Variants in SLC39A14 observed in about 807,000 individuals in gnomAD.
SLC39A14 encodes metal cation symporter ZIP14.
In SLC39A14, 19 loss-of-function variants were observed where a neutral mutation model predicts 45.5. The ratio of observed to expected loss-of-function variants is 0.42; its 90% CI spans 0.29 to 0.61. The LOEUF is 0.61. Ranked by LOEUF, SLC39A14 falls within the 20% of genes least tolerant of loss-of-function variation. SLC39A14 has a pLI of 0.22. For missense variants in SLC39A14, 447 were observed against 616.5 expected (o/e 0.73, Z 2.91); for synonymous variants, 264 against 251.3 (o/e 1.05, Z -0.48).
chr8:22,427,768 G>A (rs1011189636), intron 8 of SLC39A14, among the ~76,000 whole-genome samples: 4 of 152,214 alleles, frequency 2.6e-5, no homozygotes, highest in African/African-American at 7.2e-5. Context: ...AGGAGAGAGA[G>A]ATGGAATTTA....
intron 1 of SLC39A14, among the ~76,000 whole-genome samples, chr8:22,382,660 G>A (rs1833575116): frequency 6.6e-6 from 1 of 152,116 alleles, no homozygotes; most frequent in Non-Finnish European, 1.5e-5. Context: ...CCACAGAAGT[G>A]AGACCCTGAC....
chr8:22,382,317 C>T (rs1833557003), intron 1 of SLC39A14, among the ~76,000 whole-genome samples: 1 of 152,174 alleles, frequency 6.6e-6, no homozygotes, highest in African/African-American at 2.4e-5. Flanking sequence ...ATTTAATACT[C>T]AGTATTGGTG....
At chr8:22,419,387 T>G (rs112302598) in intron 8 of SLC39A14, among the ~76,000 whole-genome samples, 165 bp from the exon 9 acceptor site, 8 of 152,192 alleles carry the variant, frequency 5.3e-5, no homozygotes, top group Admixed American at 4.6e-4. Context: ...TTTCACCATG[T>G]TGGTCAGGCT....
chr8:22,408,768 G>A (rs1051016950), intron 3 of SLC39A14, among the ~76,000 whole-genome samples: 2 of 151,438 alleles, frequency 1.3e-5, no homozygotes, highest in Admixed American at 6.6e-5. Flanking sequence ...TTTTTGGTCT[G>A]CTTTTTGTTT....
At chr8:22,382,277 T>G (rs768191388) in intron 1 of SLC39A14, among the ~76,000 whole-genome samples, 3 of 152,170 alleles carry the variant, frequency 2.0e-5, no homozygotes, top group South Asian at 2.1e-4. Flanking sequence ...ATAAGTAATT[T>G]TTAACCTATC....
chr8:22,415,016 G>A (rs960599708), intron 5 of SLC39A14, 114 bp downstream of exon 5: 7 of 1,263,856 alleles, frequency 5.5e-6, no homozygotes, highest in South Asian at 2.8e-5. Context: ...CACAATTTCC[G>A]TGAAACTCTA....
downstream of SLC39A14, among the ~76,000 whole-genome samples, chr8:22,425,879 G>A (rs927697221): frequency 8.9e-6 from 1 of 111,922 alleles, no homozygotes. Flanking sequence ...CTAGGCTCTA[G>A]ATGGTTTTTG....
At chr8:22,384,180 G>C (rs1220099915) in intron 1 of SLC39A14, among the ~76,000 whole-genome samples, 1 of 152,060 alleles carries the variant, frequency 6.6e-6, no homozygotes, top group South Asian at 2.1e-4. Context: ...GCAGCACTGG[G>C]CCCCCTCCCC....
rs1201552949 is a variant in SLC39A14 at position 22,419,742 on chromosome 8, TG to T, written c.*45del. 5.2e-6 allele frequency: 8 copies of T among 1,528,550 alleles called. No individual in the cohort carries two copies. Among genetic ancestry groups the T allele is most frequent in the Non-Finnish European group, 7.0e-6 (8 of 1,139,394 alleles). 94.7% of individuals were successfully genotyped at this position (1,528,550 alleles called of 1,614,324 possible). On this transcript the variant is annotated 3_prime_UTR_variant, in exon 9 of 9. Transcript: ENST00000381237. ...TGGGACTGGAAGTCGGGCCCTGGGC[TG>T]CCCGATCGCCAGCCCGAGGACTTAC...
At chr8:22,384,574 C>G (rs909171625) in intron 1 of SLC39A14, among the ~76,000 whole-genome samples, 10 of 151,468 alleles carry the variant, frequency 6.6e-5, no homozygotes, top group Non-Finnish European at 1.5e-4. Context: ...ATGGCTAAAC[C>G]CTGTCTCTAC....
chr8:22,401,723 A>G (rs1834880342), intron 1 of SLC39A14, among the ~76,000 whole-genome samples: 2 of 151,510 alleles, frequency 1.3e-5, no homozygotes, highest in South Asian at 4.2e-4. Flanking sequence ...TTTACTACAG[A>G]CGGGGTTTCA....
rs570867786 is a variant in SLC39A14 at position 22,375,179 on chromosome 8, C to A, written c.-16+7771C>A. 4.0e-5 allele frequency among the ~76,000 whole-genome samples: 6 copies of A among 149,276 alleles called. No individual in the cohort carries two copies. In the South Asian group the frequency reaches 1.3e-3, roughly 32 times the overall value. ...AGCCTCCTTTCCAGTCTGAACACAG[C>A]CCTTAGAAGTCTCTCCCAGAAACTG... is the stretch of plus-strand genomic sequence containing the variant. On this transcript the variant is annotated intron_variant, in intron 1 of 8. Transcript: ENST00000381237.
intron 1 of SLC39A14, among the ~76,000 whole-genome samples, chr8:22,389,077 G>C (rs1173125115): frequency 6.6e-6 from 1 of 152,188 alleles, no homozygotes; most frequent in Non-Finnish European, 1.5e-5. Flanking sequence ...CTTCTTACCT[G>C]TTTTGGTTAA....
Position 22,420,384 on chromosome 8 carries a change from G to A in SLC39A14, c.*686G>A. 1 of 985,466 alleles carries A rather than the reference G, an allele frequency of 1.0e-6. No individual in the cohort carries two copies. The highest frequency in any genetic ancestry group is 1.2e-6 in the Non-Finnish European group (1 of 829,954). 61.0% of individuals were successfully genotyped at this position (985,466 alleles called of 1,614,324 possible). On this transcript the variant is annotated 3_prime_UTR_variant, in exon 9 of 9. Coordinates refer to ENST00000381237, the MANE Select transcript of SLC39A14 (RefSeq NM_001128431.4). ...TATTGATTTTGTAACAGCACCTGGTGTTTCACGGCTGTCCGAGTGAGCTAA... is the reference window on the plus strand; with the variant it reads ...TATTGATTTTGTAACAGCACCTGGTATTTCACGGCTGTCCGAGTGAGCTAA...
intron 1 of SLC39A14, among the ~76,000 whole-genome samples, chr8:22,375,402 G>T (rs1046378602): frequency 1.3e-4 from 19 of 150,330 alleles, no homozygotes; most frequent in African/African-American, 3.4e-4. Flanking sequence ...TTTTTTTTTG[G>T]GGGGAGGGGA....
At chr8:22,422,896 T>C (rs1251373731), downstream of SLC39A14, among the ~76,000 whole-genome samples, 3 of 152,178 alleles carry the variant, frequency 2.0e-5, no homozygotes, top group East Asian at 5.8e-4. Context: ...CGATCTCGGC[T>C]CACTGCAACC....
In SLC39A14 at chr8:22,367,752, C is replaced by G. The variant is rs1832715476; in HGVS notation, c.-16+344C>G. 1 of 152,296 alleles carries G rather than the reference C, an allele frequency of 6.6e-6. No homozygotes were observed. Among genetic ancestry groups the G allele is most frequent in the South Asian group, 2.1e-4 (1 of 4,834 alleles). The allele number at this position is 152,296 out of a possible 1,614,324, so 9.4% of individuals were successfully genotyped here. ...GAACGCAGACAGTAGGTGGCCAATC[C>G]GAGGGGCGGCTCTTGGGGCGGCTCT... On this transcript the variant is annotated intron_variant, in intron 1 of 8. Transcript: ENST00000381237. The surrounding 1 kb of genome is among the most constrained non-coding windows in gnomAD (Gnocchi z 4.2).
chr8:22,420,677 C>T lies in SLC39A14; in HGVS notation c.*979C>T. On this transcript the variant is annotated 3_prime_UTR_variant, in exon 9 of 9. Coordinates refer to ENST00000381237, the MANE Select transcript of SLC39A14 (RefSeq NM_001128431.4). ...CAAGCTGACTTGTAGAAATGGGGTG[C>T]CATTTATGCTCTACTTAGACAAGGG... 1.0e-6 allele frequency: 1 copy of T among 985,330 alleles called. No individual in the cohort carries two copies. The highest frequency in any genetic ancestry group is 1.2e-6 in the Non-Finnish European group (1 of 829,906). The allele number at this position is 985,330 out of a possible 1,614,324, so 61.0% of individuals were successfully genotyped here.
Position 22,417,761 on chromosome 8 carries a change from G to A in SLC39A14, c.1258G>A (p.Gly420Ser), listed in dbSNP as rs891013666. The change falls in exon 8 of 9, where the codon GGC becomes AGC. Residue 420 changes from glycine (G) to serine (S), a missense_variant. By Grantham distance (56) the Gly-to-Ser change is moderately conservative. Around this residue, in one of 2 missense-constraint regions of SLC39A14, gnomAD observed 105 missense variants for 188.4 expected, o/e 0.56. Transcript: ENST00000381237. ...GGGTCTGGCCTTTGGCATCCTGGCC[G>A]GCAGCCACTTCTCTGCCAACTGGAT... ...YLGLAFGILA[G>S]SHFSANWIFA... is the part of the protein sequence containing the mutation. The A allele has an allele frequency of 6.8e-6, 11 of 1,614,140 alleles. No individual in the cohort carries two copies. The highest frequency in any genetic ancestry group is 7.6e-6 in the Non-Finnish European group (9 of 1,180,020).
Sources: allele counts gnomAD v4.1 joint callset (sites outside exome capture counted in the v4.1 genomes callset), GRCh38; gene constraint gnomAD v4.1.1; regional missense constraint gnomAD v4.1.1; non-coding constraint Gnocchi (gnomAD v3.1); transcripts MANE v1.5; gene names NCBI Gene and HGNC (gene_info 2026-07-23, HGNC 2026-07-21).